SZT2: variants seen among roughly 807,000 people sequenced by gnomAD.
The protein encoded by SZT2 is SZT2 subunit of KICSTOR complex.
SZT2 carries 216 observed loss-of-function variants against 404.2 expected under a neutral mutation model. The ratio of observed to expected loss-of-function variants is 0.53; its 90% CI spans 0.48 to 0.60. The LOEUF is 0.60. SZT2 is among the 20% of genes least tolerant of loss of function. The pLI is 0.00. For missense variants in SZT2, 3,857 were observed against 4,459.2 expected (o/e 0.86, Z 3.85); for synonymous variants, 1,693 against 1,749.9 (o/e 0.97, Z 0.81).
At chr1:43,403,555 G>T in intron 2 of SZT2, 46 bp from the exon 3 acceptor site, 1 of 1,589,488 alleles carries the variant, frequency 6.3e-7, no homozygotes, top group Non-Finnish European at 8.6e-7. Flanking sequence ...GGGAAGAAAG[G>T]GATACTTCGC....
At chr1:43,405,078 A>G (rs1290843367) in intron 4 of SZT2, 4 of 152,632 alleles carry the variant, frequency 2.6e-5, no homozygotes, top group Non-Finnish European at 5.9e-5. Context: ...ATCTTGGCTC[A>G]CTGCAACCTC....
intron 4 of SZT2, chr1:43,412,498 C>T (rs1638588374): frequency 6.6e-6 from 1 of 152,028 alleles, no homozygotes; most frequent in Admixed American, 6.5e-5. Context: ...CTCTACCAAG[C>T]TGGTCTCTAA....
chr1:43,453,494 TCTC>T lies in SZT2; in HGVS notation c.*3017_*3019del, dbSNP rs1656677503. On this transcript the variant is annotated 3_prime_UTR_variant, in exon 72 of 72. Transcript: ENST00000634258. ...CAGCCCCATTTCCCCCTTCTCTTGG[TCTC>T]CTGCAGAGAGAACGGGCCTCAGCCC... 4 of 1,552,610 alleles carry T rather than the reference TCTC, an allele frequency of 2.6e-6. No individual in the cohort carries two copies. The highest frequency in any genetic ancestry group is 2.6e-6 in the Non-Finnish European group (3 of 1,147,290).
At chr1:43,434,669 ACCCACCC>A (rs1249341963) in intron 41 of SZT2, among the ~76,000 whole-genome samples, 184 bp downstream of exon 41, 1 of 151,984 alleles carries the variant, frequency 6.6e-6, no homozygotes, top group African/African-American at 2.4e-5. Flanking sequence ...GTGCTCCACA[ACCCACCC>A]CCAGTAACAG....
rs1295966751 is a variant in SZT2 at position 43,443,387 on chromosome 1, C to T, written c.8535C>T (p.Arg2845=). The change falls in exon 61 of 72, where the codon CGC becomes CGT. Residue 2845 remains arginine, a synonymous_variant. Coordinates refer to ENST00000634258, the MANE Select transcript of SZT2 (RefSeq NM_001365999.1). ...TGGAGACCCTGAAGCAGTCATCCCG[C>T]CTGGTGCATTACTGTGCAACAGCCA... ...GELETLKQSS[R]LVHYCATAML... The T allele has an allele frequency of 2.5e-6, 4 of 1,614,094 alleles. No individual in the cohort carries two copies. The African/African-American group carries it at 4.0e-5, about 16-fold the overall frequency.
chr1:43,431,253 C>T lies in SZT2; in HGVS notation c.4917-12C>T. 1 of 1,598,026 alleles carries T rather than the reference C, an allele frequency of 6.3e-7. No individual in the cohort carries two copies. Among genetic ancestry groups the T allele is most frequent in the Non-Finnish European group, 8.5e-7 (1 of 1,171,946 alleles). ...TAACTCCTGACCTTTGACTTGTTCC[C>T]ACCCTGTTCAGGTCAACATCTGAAA... On this transcript the variant is annotated splice_polypyrimidine_tract_variant and intron_variant, in intron 33 of 71. Coordinates refer to ENST00000634258, the MANE Select transcript of SZT2 (RefSeq NM_001365999.1).
In SZT2 at chr1:43,447,083, C is replaced by T. The variant is rs114396679; in HGVS notation, c.9201C>T (p.His3067=). The T allele has an allele frequency of 1.2e-4, 191 of 1,613,954 alleles. No individual in the cohort carries two copies. In the African/African-American group the frequency reaches 1.9e-3, roughly 16 times the overall value. ...HVLGAHLVLR[H]GYHLTTFLRH... ...TAGGTGCCCATCTGGTGCTGCGGCACGGCTACCACCTCACCACCTTTCTGC... is the reference window on the plus strand; with the variant it reads ...TAGGTGCCCATCTGGTGCTGCGGCATGGCTACCACCTCACCACCTTTCTGC... The change falls in exon 66 of 72, where the codon CAC becomes CAT. Residue 3067 remains histidine (H), a synonymous_variant. Coordinates refer to ENST00000634258, the MANE Select transcript of SZT2 (RefSeq NM_001365999.1).
chr1:43,442,719 G>C lies in SZT2; in HGVS notation c.8152-100G>C, dbSNP rs1277504637. 3.3e-6 allele frequency: 5 copies of C among 1,535,500 alleles called. No homozygotes were observed. The highest frequency in any genetic ancestry group is 8.7e-7 in the Non-Finnish European group (1 of 1,143,620). ...AGAAAGATGGGACAGACTGAGGGCA[G>C]AGGTAGTGGGGAGGGAGAGTCTGAG... is the stretch of plus-strand genomic sequence containing the variant. On this transcript the variant is annotated intron_variant, in intron 58 of 71. Coordinates refer to ENST00000634258, the MANE Select transcript of SZT2 (RefSeq NM_001365999.1). The surrounding 1 kb of genome is among the most constrained non-coding windows in gnomAD (Gnocchi z 4.5).
chr1:43,413,340 T>C (rs9793527), intron 4 of SZT2, among the ~76,000 whole-genome samples: 53,352 of 152,004 alleles, frequency 0.35, 9,826 homozygotes, highest in Middle Eastern at 0.45. Context: ...CGAGATAGTG[T>C]CACTGCACTC....
intron 26 of SZT2, 107 bp downstream of exon 26, chr1:43,427,841 C>G: frequency 2.8e-6 from 4 of 1,408,878 alleles, no homozygotes; most frequent in Non-Finnish European, 3.9e-6. Flanking sequence ...CCATATCCTG[C>G]TGGCTCCTTG....
At position 43,453,779 on chromosome 1, in the gene SZT2, G is replaced by A; in HGVS notation, c.*3299G>A. ...ATAGCCAGGACAGATTGGCGGAGAA[G>A]CGCAGCGGCGCCATGCCTGGGGAGG... On this transcript the variant is annotated 3_prime_UTR_variant, in exon 72 of 72. Transcript: ENST00000634258. The A allele has an allele frequency of 3.1e-6, 4 of 1,285,476 alleles. No homozygotes were observed. Among genetic ancestry groups the A allele is most frequent in the South Asian group, 2.7e-5 (1 of 37,166 alleles). The allele number at this position is 1,285,476 out of a possible 1,614,324, so 79.6% of individuals were successfully genotyped here. A position where few individuals can be genotyped will look rare whatever the true frequency, so the allele number is the denominator to read the frequency against.
At chr1:43,446,586 C>T (rs1291983920) in intron 65 of SZT2, 170 bp downstream of exon 65, 9 of 779,278 alleles carry the variant, frequency 1.2e-5, no homozygotes, top group South Asian at 1.0e-4. Flanking sequence ...GCCATGACTG[C>T]ACTCACTACA....
rs990052514 is a variant in SZT2 at position 43,453,619 on chromosome 1, GCC to G, written c.*3140_*3141del. 2 of 1,500,416 alleles carry G rather than the reference GCC, an allele frequency of 1.3e-6. No homozygotes were observed. Among genetic ancestry groups the G allele is most frequent in the African/African-American group, 2.9e-5 (2 of 68,436 alleles). The allele number at this position is 1,500,416 out of a possible 1,614,324, so 92.9% of individuals were successfully genotyped here. On this transcript the variant is annotated 3_prime_UTR_variant, in exon 72 of 72. Transcript: ENST00000634258. ...CCCGGGGGCGTGTTGATCAGTACAA[GCC>G]GCAGCCCCGCTTCTCGCGCGGCGCG...
At chr1:43,438,222 C>G (rs900748358) in intron 46 of SZT2, 1 of 375,796 alleles carries the variant, frequency 2.7e-6, no homozygotes, top group Non-Finnish European at 5.0e-6. Flanking sequence ...TGAGGCACAG[C>G]TTGGGGAAGG....
At chr1:43,436,227 A>G (rs992181336) in intron 42 of SZT2, 1 of 152,202 alleles carries the variant, frequency 6.6e-6, no homozygotes, top group African/African-American at 2.4e-5. Context: ...TAACATTCTC[A>G]GCAAGTCTGT....
Position 43,438,947 on chromosome 1 carries a change from A to C in SZT2, c.6646A>C (p.Ser2216Arg), listed in dbSNP as rs1344772091. 5.0e-6 allele frequency: 8 copies of C among 1,614,138 alleles called. No individual in the cohort carries two copies. The highest frequency in any genetic ancestry group is 5.9e-6 in the Non-Finnish European group (7 of 1,180,012). The change falls in exon 48 of 72, where the codon AGT becomes CGT. Residue 2216 changes from serine (S) to arginine (R), a missense_variant. Coordinates refer to ENST00000634258, the MANE Select transcript of SZT2 (RefSeq NM_001365999.1). Reference sequence around the variant, plus strand: ...TCTGCAGTTCATCCAGCCCCCTGGAAGTCTCCCCTCAGAGGTGCTGCATCT... The same window carrying C: ...TCTGCAGTTCATCCAGCCCCCTGGACGTCTCCCCTCAGAGGTGCTGCATCT... ...ADVEFIQPPG[S>R]LPSEVLHLAL...
intron 42 of SZT2, chr1:43,436,558 C>T (rs1654476523): frequency 6.5e-6 from 1 of 152,694 alleles, no homozygotes; most frequent in African/African-American, 2.4e-5. Flanking sequence ...TCCTGGGTAG[C>T]CTGTGTGCTG....
At chr1:43,398,509 G>A (rs1368891920) in intron 1 of SZT2, among the ~76,000 whole-genome samples, 1 of 152,056 alleles carries the variant, frequency 6.6e-6, no homozygotes, top group East Asian at 1.9e-4. Context: ...TTTTAGATAA[G>A]AACTTTGGCA....
intron 66 of SZT2, 99 bp from the exon 67 acceptor site, chr1:43,447,446 G>A: frequency 6.7e-7 from 1 of 1,488,660 alleles, no homozygotes; most frequent in Non-Finnish European, 9.0e-7. Context: ...CACTCTGCCT[G>A]CCAGTCAGAG....
Sources: allele counts gnomAD v4.1 joint callset (sites outside exome capture counted in the v4.1 genomes callset), GRCh38; gene constraint gnomAD v4.1.1; non-coding constraint Gnocchi (gnomAD v3.1); transcripts MANE v1.5; gene names NCBI Gene and HGNC (gene_info 2026-07-23, HGNC 2026-07-21).